AUTS2: variants seen among roughly 807,000 people sequenced by gnomAD.
The protein encoded by AUTS2 is autism susceptibility gene 2 protein.
Under a neutral mutation model 112.4 loss-of-function variants are expected in AUTS2, and 17 were observed. The ratio of observed to expected loss-of-function variants is 0.15; its 90% CI spans 0.10 to 0.23. The LOEUF (loss-of-function observed/expected upper bound fraction) is 0.23, where lower values mean the gene tolerates loss of function less well. Among genes scored for constraint, AUTS2 ranks in the 10% least tolerant of loss-of-function variants. The pLI is 1.00. For missense variants in AUTS2, 1,510 were observed against 1,701.6 expected (o/e 0.89, Z 1.98); for synonymous variants, 751 against 702.7 (o/e 1.07, Z -1.09).
At chr7:69,862,240 A>G (rs1228165371) in intron 1 of AUTS2, among the ~76,000 whole-genome samples, 1 of 152,198 alleles carries the variant, frequency 6.6e-6, no homozygotes, top group East Asian at 1.9e-4. Context: ...TAAAATCATG[A>G]CTCATGCAGA....
chr7:70,457,303 A>T (rs540933994), intron 5 of AUTS2, among the ~76,000 whole-genome samples: 114 of 152,334 alleles, frequency 7.5e-4, no homozygotes, highest in African/African-American at 2.5e-3. Flanking sequence ...GGTGTGATGA[A>T]GTCCTGCATG....
chr7:69,823,007 A>G (rs1791066761), intron 1 of AUTS2, among the ~76,000 whole-genome samples: 1 of 152,254 alleles, frequency 6.6e-6, no homozygotes, highest in Admixed American at 6.5e-5. Flanking sequence ...GAAAGTGTCC[A>G]GAGAAACTGG....
At chr7:70,118,367 G>T in intron 3 of AUTS2, 134 bp downstream of exon 3, 1 of 1,082,740 alleles carries the variant, frequency 9.2e-7, no homozygotes, top group Middle Eastern at 3.3e-4. Context: ...AAGCATTGCG[G>T]TTCACATTAT....
intron 1 of AUTS2, among the ~76,000 whole-genome samples, chr7:69,865,879 G>A (rs1793204003): frequency 6.6e-6 from 1 of 152,028 alleles, no homozygotes; most frequent in African/African-American, 2.4e-5. Flanking sequence ...AATGTATCTA[G>A]GATAAAATGT....
chr7:69,902,720 T>C (rs1795014823), intron 2 of AUTS2, among the ~76,000 whole-genome samples: 2 of 152,220 alleles, frequency 1.3e-5, no homozygotes, highest in African/African-American at 4.8e-5. Context: ...ATAGGAAAGA[T>C]GTATAGTTCT....
At position 70,444,784 on chromosome 7, in the gene AUTS2, C is replaced by T. The variant is rs1317972805; in HGVS notation, c.690+9003C>T. On this transcript the variant is annotated intron_variant, in intron 5 of 18. Coordinates refer to ENST00000342771, the MANE Select transcript of AUTS2 (RefSeq NM_015570.4). ...TTCTAAACCAGGCTTGACTCATATACTTACGGAGACAGCCGAATGGGGTCT... is the reference window on the plus strand; with the variant it reads ...TTCTAAACCAGGCTTGACTCATATATTTACGGAGACAGCCGAATGGGGTCT... Among the ~76,000 whole-genome samples, 4 of 152,150 alleles carry T rather than the reference C, an allele frequency of 2.6e-5. No homozygotes were observed. In the East Asian group the frequency reaches 7.7e-4, roughly 29 times the overall value.
chr7:70,587,651 T>G (rs1480747506), intron 5 of AUTS2, among the ~76,000 whole-genome samples: 2 of 152,246 alleles, frequency 1.3e-5, no homozygotes, highest in Non-Finnish European at 2.9e-5. Context: ...GCACTTTACA[T>G]GACTTTCTGT....
At chr7:69,955,737 G>T (rs546601699) in intron 2 of AUTS2, among the ~76,000 whole-genome samples, 1 of 152,094 alleles carries the variant, frequency 6.6e-6, no homozygotes, top group Admixed American at 6.5e-5. Context: ...ATGTTCCGTG[G>T]CATGGGCAGG....
At chr7:69,668,466 T>C (rs1157274671) in intron 1 of AUTS2, among the ~76,000 whole-genome samples, 1 of 152,206 alleles carries the variant, frequency 6.6e-6, no homozygotes, top group Non-Finnish European at 1.5e-5. Context: ...GGAGGGAAAC[T>C]ACCCATCCAC....
intron 6 of AUTS2, among the ~76,000 whole-genome samples, chr7:70,707,022 C>T (rs1418751210): frequency 6.6e-6 from 1 of 152,150 alleles, no homozygotes; most frequent in East Asian, 1.9e-4. Context: ...CCAATTTTTC[C>T]TTCTGTAAAA....
intron 5 of AUTS2, among the ~76,000 whole-genome samples, chr7:70,447,241 A>T (rs192043604): frequency 1.3e-5 from 2 of 152,210 alleles, no homozygotes; most frequent in Admixed American, 1.3e-4. Context: ...ACATTATCTT[A>T]TACAGTCCTC....
rs2129538389 is a variant in AUTS2, at chr7:70,631,220, GTCC to G, written c.691-67346_691-67344del. On this transcript the variant is annotated intron_variant, in intron 5 of 18. Transcript: ENST00000342771. The surrounding 1 kb of genome is among the most constrained non-coding windows in gnomAD (Gnocchi z 4.5). ...ACAGGATGACGAAGGGGCCAAGAGG[GTCC>G]TCAGAGACAAACTGTGTTCAGTGTG... is the stretch of plus-strand genomic sequence containing the variant. Among the ~76,000 whole-genome samples, 1 of 152,276 alleles carries G rather than the reference GTCC, an allele frequency of 6.6e-6. No homozygotes were observed. Among genetic ancestry groups the G allele is most frequent in the South Asian group, 2.1e-4 (1 of 4,816 alleles).
intron 4 of AUTS2, among the ~76,000 whole-genome samples, chr7:70,207,872 A>G (rs1810648677): frequency 6.6e-6 from 1 of 151,978 alleles, no homozygotes; most frequent in Non-Finnish European, 1.5e-5. Context: ...TTAGCCGGGC[A>G]TGGTGGTGCA....
At chr7:69,872,091 A>G (rs181099278) in intron 1 of AUTS2, among the ~76,000 whole-genome samples, 1 of 152,198 alleles carries the variant, frequency 6.6e-6, no homozygotes, top group Non-Finnish European at 1.5e-5. Context: ...AAGTTCAAAG[A>G]TAAGATTATA....
rs1421527595 is a variant in AUTS2 at position 70,694,724 on chromosome 7, G to C, written c.691-3845G>C. 1 of 148,046 alleles carries C rather than the reference G, an allele frequency of 6.8e-6. No homozygotes were observed. Among genetic ancestry groups the C allele is most frequent in the African/African-American group, 2.4e-5 (1 of 40,986 alleles). The allele number at this position is 148,046 out of a possible 1,614,324, so 9.2% of individuals were successfully genotyped here. On this transcript the variant is annotated intron_variant, in intron 5 of 18. Transcript: ENST00000342771. The surrounding 1 kb of genome is among the most constrained non-coding windows in gnomAD (Gnocchi z 4.1). ...GCGGCGGGGAGACAGTGGCGAGCGC[G>C]GGCCGGGCGATCTCGGCGGGCGCGC...
At chr7:70,092,519 C>G (rs943902816) in intron 2 of AUTS2, among the ~76,000 whole-genome samples, 3 of 152,044 alleles carry the variant, frequency 2.0e-5, no homozygotes, top group Admixed American at 6.5e-5. Context: ...AAATGATAGC[C>G]TGTGTGAGTG....
intron 4 of AUTS2, among the ~76,000 whole-genome samples, chr7:70,348,964 T>C (rs1791627945): frequency 6.6e-6 from 1 of 152,202 alleles, no homozygotes; most frequent in South Asian, 2.1e-4. Context: ...AAGAACAATA[T>C]TAGTCTTAAG....
intron 1 of AUTS2, among the ~76,000 whole-genome samples, chr7:69,710,910 T>A (rs1297934320): frequency 3.3e-5 from 5 of 152,274 alleles, no homozygotes; most frequent in Non-Finnish European, 7.4e-5. Flanking sequence ...TGAACTGGCC[T>A]GTGGAGGAAG....
At chr7:69,870,290 A>G (rs187324595) in intron 1 of AUTS2, among the ~76,000 whole-genome samples, 1 of 151,796 alleles carries the variant, frequency 6.6e-6, no homozygotes, top group Admixed American at 6.6e-5. Context: ...TTGATGTATA[A>G]CAAATCATAT....
Sources: allele counts gnomAD v4.1 joint callset (sites outside exome capture counted in the v4.1 genomes callset), GRCh38; gene constraint gnomAD v4.1.1; non-coding constraint Gnocchi (gnomAD v3.1); transcripts MANE v1.5; gene names NCBI Gene and HGNC (gene_info 2026-07-23, HGNC 2026-07-21).